The following PHLPP1 variants were observed in gnomAD, a reference collection of about 807,000 sequenced individuals.
PHLPP1 encodes PH domain and leucine rich repeat protein phosphatase 1, also known as PH domain leucine-rich repeat-containing protein phosphatase 1.
In PHLPP1, 42 loss-of-function variants were observed where a neutral mutation model predicts 117.2. The ratio of observed to expected loss-of-function variants is 0.36; its 90% CI spans 0.28 to 0.46. The LOEUF (loss-of-function observed/expected upper bound fraction) is 0.46. PHLPP1 is among the 20% of genes least tolerant of loss of function. The pLI, the probability that PHLPP1 is intolerant of heterozygous loss-of-function variation, is 1.00. For synonymous variants in PHLPP1, 1,042 were observed against 970.7 expected (o/e 1.07, Z -1.37); for missense variants, 2,084 against 2,241.9 (o/e 0.93, Z 1.42).
At chr18:62,775,431 A>T (rs927076869) in intron 1 of PHLPP1, among the ~76,000 whole-genome samples, 1 of 152,138 alleles carries the variant, frequency 6.6e-6, no homozygotes, top group Non-Finnish European at 1.5e-5. Flanking sequence ...TTTACTTGCT[A>T]TCTTGTTCTC....
intron 4 of PHLPP1, among the ~76,000 whole-genome samples, chr18:62,887,212 G>A (rs1302321894): frequency 1.3e-5 from 2 of 152,298 alleles, no homozygotes; most frequent in African/African-American, 2.4e-5. Flanking sequence ...GAGATGAAAA[G>A]TAGTAATGAC....
intron 14 of PHLPP1, among the ~76,000 whole-genome samples, chr18:62,964,968 A>G (rs1048156726): frequency 6.6e-6 from 1 of 152,334 alleles, no homozygotes; most frequent in African/African-American, 2.4e-5. Flanking sequence ...TGTGTACAGC[A>G]AAGTGCACTG....
rs1006573159 is a variant in PHLPP1, at chr18:62,864,866, A to C, written c.2066+4265A>C. ...GGATTAGTCTAAATTGCAGGAAAAA[A>C]CCTCAAAAACAACTGATACTAGAAT... On this transcript the variant is annotated intron_variant, in intron 4 of 16. Coordinates refer to ENST00000262719, the MANE Select transcript of PHLPP1 (RefSeq NM_194449.4). Among the ~76,000 whole-genome samples the C allele has an allele frequency of 2.0e-5, 3 of 152,218 alleles. 1 individual carries two copies. The highest frequency in any genetic ancestry group is 6.8e-3 in the Middle Eastern group (2 of 294).
chr18:62,860,735 CTTTGTT>C (rs1915611946), intron 4 of PHLPP1, 134 bp downstream of exon 4: 1 of 700,972 alleles, frequency 1.4e-6, no homozygotes, highest in African/African-American at 1.8e-5. Context: ...GGTAATAGGA[CTTTGTT>C]TATTAGTGAA....
At chr18:62,871,314 G>C (rs964927064) in intron 4 of PHLPP1, among the ~76,000 whole-genome samples, 1 of 151,934 alleles carries the variant, frequency 6.6e-6, no homozygotes, top group African/African-American at 2.4e-5. Context: ...ATTTAGCTCT[G>C]TTTATTTTTG....
At chr18:62,765,222 T>A (rs1297985345) in intron 1 of PHLPP1, among the ~76,000 whole-genome samples, 15 of 152,222 alleles carry the variant, frequency 9.9e-5, no homozygotes, top group Admixed American at 9.8e-4. Flanking sequence ...CCCCATCTTA[T>A]GCATGGCCTT....
chr18:62,974,818 T>A (rs985648817), intron 15 of PHLPP1, among the ~76,000 whole-genome samples: 1 of 152,094 alleles, frequency 6.6e-6, no homozygotes, highest in Non-Finnish European at 1.5e-5. Flanking sequence ...TAGATGGTGC[T>A]GGTCCAGAAA....
rs1910247020 is a variant in PHLPP1, at chr18:62,945,261, C to G, written c.3314C>G (p.Pro1105Arg). ...GTCTTTCCCGAAGTTATGCAGCTCCCAGAGATCAAGGTATGTGGTTTCATT... is the reference window on the plus strand; with the variant it reads ...GTCTTTCCCGAAGTTATGCAGCTCCGAGAGATCAAGGTATGTGGTTTCATT... ...IEVFPEVMQLPEIKCVDLSCN... is the reference protein window; with the variant it reads ...IEVFPEVMQLREIKCVDLSCN... The change falls in exon 12 of 17, where the codon CCA (proline) becomes CGA (arginine). Residue 1105 changes from proline to arginine, a missense_variant. Around this residue, in one of 2 missense-constraint regions of PHLPP1, gnomAD observed 1,365 missense variants for 1,605.9 expected, o/e 0.85. Coordinates refer to ENST00000262719, the MANE Select transcript of PHLPP1 (RefSeq NM_194449.4). 9 of 1,602,040 alleles carry G rather than the reference C, an allele frequency of 5.6e-6. No homozygotes were observed. Among genetic ancestry groups the G allele is most frequent in the East Asian group, 2.3e-5 (1 of 44,426 alleles).
intron 1 of PHLPP1, among the ~76,000 whole-genome samples, chr18:62,822,286 G>GTTTTTT (rs1017764937): frequency 7.5e-6 from 1 of 133,120 alleles, no homozygotes; most frequent in Non-Finnish European, 1.6e-5. Context: ...TTTTGTTTTT[G>GTTTTTT]TTTTTTTTTT....
intron 10 of PHLPP1, among the ~76,000 whole-genome samples, chr18:62,933,670 C>G (rs1211416148): frequency 6.6e-6 from 1 of 152,062 alleles, no homozygotes; most frequent in African/African-American, 2.4e-5. Flanking sequence ...AGAAGAAAAA[C>G]TCTTCTGGAC....
chr18:62,952,462 G>A (rs561789718), intron 12 of PHLPP1, among the ~76,000 whole-genome samples: 2 of 152,178 alleles, frequency 1.3e-5, no homozygotes, highest in South Asian at 4.2e-4. Context: ...GTTTCCCAAG[G>A]TTTCTTCTAG....
At chr18:62,719,802 A>G (rs1461740477) in intron 1 of PHLPP1, among the ~76,000 whole-genome samples, 1 of 152,142 alleles carries the variant, frequency 6.6e-6, no homozygotes, top group East Asian at 1.9e-4. Flanking sequence ...GAGCTTATCT[A>G]CTGTCTTGAG....
intron 2 of PHLPP1, chr18:62,838,064 AT>A (rs1914956640): frequency 1.5e-5 from 2 of 130,736 alleles, no homozygotes; most frequent in African/African-American, 5.5e-5. Context: ...ATTGAAAAAA[AT>A]ATATATATAT....
At chr18:62,775,856 C>T (rs35879067) in intron 1 of PHLPP1, among the ~76,000 whole-genome samples, 8,660 of 152,268 alleles carry the variant, frequency 0.057, 342 homozygotes, top group Middle Eastern at 0.088. Context: ...TATCCTCTAT[C>T]TACCCTTGAC....
At chr18:62,878,330 T>C (rs975351781) in intron 4 of PHLPP1, among the ~76,000 whole-genome samples, 1 of 152,218 alleles carries the variant, frequency 6.6e-6, no homozygotes, top group Admixed American at 6.5e-5. Context: ...AATTCTTTGG[T>C]TGCCGGTATG....
chr18:62,939,213 G>A lies in PHLPP1; in HGVS notation c.2961-2505G>A, dbSNP rs986650403. 8.6e-5 allele frequency among the ~76,000 whole-genome samples: 13 copies of A among 151,746 alleles called. No individual in the cohort carries two copies. In the South Asian group the frequency reaches 1.5e-3, roughly 17 times the overall value. On this transcript the variant is annotated intron_variant, in intron 10 of 16. Coordinates refer to ENST00000262719, the MANE Select transcript of PHLPP1 (RefSeq NM_194449.4). ...TCACCATGTTGGCCAGGCTGGTCTC[G>A]AACTCCTGACCTCAGGTGATCCACC...
At chr18:62,730,457 A>G (rs1911195702) in intron 1 of PHLPP1, among the ~76,000 whole-genome samples, 1 of 152,092 alleles carries the variant, frequency 6.6e-6, no homozygotes, top group Non-Finnish European at 1.5e-5. Context: ...TGTGAGACCT[A>G]TAGTAAACCC....
chr18:62,798,733 C>T (rs1027669979), intron 1 of PHLPP1, among the ~76,000 whole-genome samples: 1 of 151,982 alleles, frequency 6.6e-6, no homozygotes, highest in African/African-American at 2.4e-5. Flanking sequence ...TCTTTGAACT[C>T]TGTGGCTGAG....
At chr18:62,794,620 C>T (rs1393948143) in intron 1 of PHLPP1, among the ~76,000 whole-genome samples, 2 of 152,148 alleles carry the variant, frequency 1.3e-5, no homozygotes, top group East Asian at 3.8e-4. Context: ...AGGGATCCTC[C>T]TGCCTTGGCT....
Sources: allele counts gnomAD v4.1 joint callset (sites outside exome capture counted in the v4.1 genomes callset), GRCh38; gene constraint gnomAD v4.1.1; regional missense constraint gnomAD v4.1.1; transcripts MANE v1.5; gene names NCBI Gene and HGNC (gene_info 2026-07-23, HGNC 2026-07-21).